Variants in OGN observed in about 807,000 individuals in gnomAD.
The protein encoded by OGN is osteoglycin, also known as mimecan.
A neutral mutation model predicts 30.8 loss-of-function variants in OGN; 19 were observed. That is an observed-to-expected ratio of 0.62 (90% CI 0.43 to 0.90). OGN has a LOEUF of 0.90. OGN is among the 40% of genes least tolerant of loss of function. The probability of loss-of-function intolerance (pLI) is 0.00; values close to 1 mark genes in which losing one functional copy is unlikely to be tolerated. For missense variants in OGN, 283 were observed against 349.7 expected (o/e 0.81, Z 1.52); for synonymous variants, 126 against 128.3 (o/e 0.98, Z 0.12).
Position 92,385,353 on chromosome 9 carries a change from C to A in OGN, c.*267G>T. 3.4e-6 allele frequency: 1 copy of A among 295,736 alleles called. No homozygotes were observed. The highest frequency in any genetic ancestry group is 6.2e-6 in the Non-Finnish European group (1 of 160,678). The allele number at this position is 295,736 out of a possible 1,614,324, so 18.3% of individuals were successfully genotyped here. A position where few individuals can be genotyped will look rare whatever the true frequency, so the allele number is the denominator to read the frequency against. On this transcript the variant is annotated 3_prime_UTR_variant, in exon 7 of 7. Coordinates refer to ENST00000375561, the MANE Select transcript of OGN (RefSeq NM_014057.5). ...TCAAATTTGGGCATTTATATAAAAA[C>A]ATGATTTTTAAATGGTAGTCTAGTA... is the stretch of plus-strand genomic sequence containing the variant.
At chr9:92,401,040 A>G in intron 3 of OGN, 52 bp downstream of exon 3, 1 of 848,708 alleles carries the variant, frequency 1.2e-6, no homozygotes, top group South Asian at 1.4e-5. Flanking sequence ...AATAAAGTCC[A>G]TTATAGCTAT....
At chr9:92,393,389 C>T (rs556656135) in intron 3 of OGN, 145 bp from the exon 4 acceptor site, 4 of 600,906 alleles carry the variant, frequency 6.7e-6, no homozygotes, top group African/African-American at 3.7e-5. Context: ...CATGGTAACT[C>T]GTTACCTATA....
chr9:92,396,919 T>C (rs537082996), intron 3 of OGN, among the ~76,000 whole-genome samples: 1 of 152,250 alleles, frequency 6.6e-6, no homozygotes, highest in East Asian at 1.9e-4. Flanking sequence ...CTCATATATG[T>C]AATCTTGGCA....
intron 6 of OGN, 111 bp downstream of exon 6, chr9:92,386,090 C>G: frequency 1.3e-6 from 1 of 785,214 alleles, no homozygotes; most frequent in Non-Finnish European, 2.2e-6. Flanking sequence ...TATCACGCTA[C>G]TACAGTGATC....
At chr9:92,387,823 T>A (rs113503267) in intron 5 of OGN, among the ~76,000 whole-genome samples, 2 of 151,730 alleles carry the variant, frequency 1.3e-5, no homozygotes, top group Non-Finnish European at 2.9e-5. Flanking sequence ...TAGTGCAGTG[T>A]CATGATCTGA....
intron 4 of OGN, 61 bp downstream of exon 4, chr9:92,393,025 G>A (rs1484213727): frequency 7.9e-6 from 11 of 1,384,602 alleles, no homozygotes; most frequent in African/African-American, 2.9e-5. Context: ...AGAAACTTGT[G>A]TTTATATGAG....
At chr9:92,386,141 G>A in intron 6 of OGN, 60 bp downstream of exon 6, 1 of 1,291,572 alleles carries the variant, frequency 7.7e-7, no homozygotes, top group Non-Finnish European at 1.1e-6. Context: ...TTCCCAATGA[G>A]TCACAAGATT....
chr9:92,387,053 GAAA>G (rs903436031), intron 5 of OGN, among the ~76,000 whole-genome samples: 5 of 50,166 alleles, frequency 1.0e-4, no homozygotes, highest in South Asian at 6.9e-4. Context: ...GTCTCAAAAA[GAAA>G]AAAAAAAAAA....
intron 2 of OGN, 31 bp from the exon 3 acceptor site, chr9:92,401,216 C>T: frequency 1.1e-6 from 1 of 940,654 alleles, no homozygotes; most frequent in Non-Finnish European, 1.7e-6. Context: ...TGTTACCTAG[C>T]TTCATTAAGT....
In OGN at chr9:92,394,822, C is replaced by T. The variant is rs148794554; in HGVS notation, c.269-1578G>A. On this transcript the variant is annotated intron_variant, in intron 3 of 6. Transcript: ENST00000375561. ...GGGTTTCACCATGTTGGCCAGGCTG[C>T]TTTCGAACTCCTGACCTCAGGTGAT... 9.3e-3 allele frequency among the ~76,000 whole-genome samples: 1,405 copies of T among 151,428 alleles called. 11 individuals are homozygous for T. Among genetic ancestry groups the T allele is most frequent in the Middle Eastern group, 0.024 (7 of 294 alleles).
intron 2 of OGN, among the ~76,000 whole-genome samples, chr9:92,402,316 A>G (rs1843148134): frequency 6.6e-6 from 1 of 152,166 alleles, no homozygotes; most frequent in East Asian, 1.9e-4. Flanking sequence ...ACATTTGCTC[A>G]TTGTGTACCC....
intron 3 of OGN, among the ~76,000 whole-genome samples, chr9:92,399,870 A>G (rs1325205985): frequency 6.6e-6 from 1 of 152,076 alleles, no homozygotes; most frequent in African/African-American, 2.4e-5. Flanking sequence ...TTGTCTATTC[A>G]TATACCAGTA....
intron 3 of OGN, among the ~76,000 whole-genome samples, chr9:92,393,472 T>A (rs1588090556): frequency 6.6e-6 from 1 of 152,194 alleles, no homozygotes; most frequent in East Asian, 1.9e-4. Context: ...ATTGCTTAAA[T>A]GCTGAATTGA....
chr9:92,404,070 G>T (rs1018310519), intron 1 of OGN, among the ~76,000 whole-genome samples: 7 of 152,156 alleles, frequency 4.6e-5, no homozygotes, highest in Non-Finnish European at 8.8e-5. Context: ...AAAACTGAAA[G>T]AATAGTATTG....
At chr9:92,396,939 G>A (rs1046737943) in intron 3 of OGN, among the ~76,000 whole-genome samples, 1 of 152,024 alleles carries the variant, frequency 6.6e-6, no homozygotes, top group Non-Finnish European at 1.5e-5. Flanking sequence ...ACTTTTAGAG[G>A]CTGAGGCAGG....
rs996662854 is a variant in OGN at position 92,387,771 on chromosome 9, C to CT, written c.631-1476dup. Among the ~76,000 whole-genome samples, 19 of 150,974 alleles carry CT rather than the reference C, an allele frequency of 1.3e-4. 1 individual carries two copies. The highest frequency in any genetic ancestry group is 6.6e-4 in the Admixed American group (10 of 15,130). ...GCAGCTGAATTTATTATTTTCTTTT[C>CT]TTTTTTTTTAGAGATGGAGTCTCAC... is the stretch of plus-strand genomic sequence containing the variant. On this transcript the variant is annotated intron_variant, in intron 5 of 6. Coordinates refer to ENST00000375561, the MANE Select transcript of OGN (RefSeq NM_014057.5).
chr9:92,388,690 G>A (rs1273869694), intron 5 of OGN, among the ~76,000 whole-genome samples: 1 of 151,806 alleles, frequency 6.6e-6, no homozygotes, highest in Admixed American at 6.6e-5. Flanking sequence ...AAATTAGCCG[G>A]GCGTGGTGGT....
At position 92,385,458 on chromosome 9, in the gene OGN, CTTA is replaced by C. The variant is rs1205835868; in HGVS notation, c.*159_*161del. The C allele has an allele frequency of 6.8e-6, 4 of 590,382 alleles. No homozygotes were observed. Among genetic ancestry groups the C allele is most frequent in the African/African-American group, 5.7e-5 (3 of 52,942 alleles). The allele number at this position is 590,382 out of a possible 1,614,324, so 36.6% of individuals were successfully genotyped here. On this transcript the variant is annotated 3_prime_UTR_variant, in exon 7 of 7. Transcript: ENST00000375561. ...CGTAGACATTCAGTCTTACTTTTTA[CTTA>C]TTATATGTAAGATTTTGAACATCCT...
intron 2 of OGN, 106 bp downstream of exon 2, chr9:92,403,128 T>C: frequency 1.5e-6 from 1 of 672,024 alleles, no homozygotes; most frequent in African/African-American, 1.8e-5. Flanking sequence ...TCATTTAAAG[T>C]GATTTTCCCT....
Sources: gnomAD v4.1 joint callset for allele counts (sites outside exome capture counted in the v4.1 genomes callset) on GRCh38, gnomAD v4.1.1 for gene constraint, MANE v1.5 for transcripts, NCBI Gene and HGNC (gene_info 2026-07-23, HGNC 2026-07-21) for gene names.